Variants in GNG2 observed in about 807,000 individuals in gnomAD.
GNG2 encodes guanine nucleotide-binding protein G(I)/G(S)/G(O) subunit gamma-2.
A neutral mutation model predicts 5.5 loss-of-function variants in GNG2; 5 were observed. The ratio of observed to expected loss-of-function variants is 0.91; its 90% confidence interval spans 0.48 to 1.92. GNG2 has a LOEUF of 1.92. Ranked by LOEUF, GNG2 falls within the 30% of genes most tolerant of loss-of-function variation. The pLI is 0.01. For missense variants in GNG2, 55 were observed against 88.4 expected (o/e 0.62, Z 1.52); for synonymous variants, 28 against 32.0 (o/e 0.88, Z 0.42).
chr14:51,937,081 G>C (rs898131993), intron 2 of GNG2, among the ~76,000 whole-genome samples: 2 of 152,100 alleles, frequency 1.3e-5, no homozygotes, highest in African/African-American at 4.8e-5. Flanking sequence ...AGGAAAGGTT[G>C]CTTGTCCCTT....
intron 3 of GNG2, 140 bp from the exon 4 acceptor site, chr14:51,966,418 TG>T: frequency 2.8e-6 from 2 of 713,394 alleles, no homozygotes; most frequent in Non-Finnish European, 4.9e-6. Context: ...TCTTTGCAGA[TG>T]AGGAAGCAGA....
intron 2 of GNG2, among the ~76,000 whole-genome samples, chr14:51,941,922 G>A (rs975374366): frequency 6.6e-6 from 1 of 152,172 alleles, no homozygotes; most frequent in African/African-American, 2.4e-5. Context: ...TGGAATTCAG[G>A]TGGGATAATT....
At chr14:51,930,338 A>G (rs1292893742) in intron 2 of GNG2, among the ~76,000 whole-genome samples, 1 of 152,232 alleles carries the variant, frequency 6.6e-6, no homozygotes. Flanking sequence ...TCAAAGCAAA[A>G]TGATTTCAGA....
At chr14:51,871,824 G>A (rs1883315303) in intron 1 of GNG2, among the ~76,000 whole-genome samples, 1 of 152,218 alleles carries the variant, frequency 6.6e-6, no homozygotes, top group African/African-American at 2.4e-5. Context: ...ACTTCATGAA[G>A]TAATAGTCTG....
At chr14:51,866,380 A>C (rs1217331517) in intron 1 of GNG2, among the ~76,000 whole-genome samples, 2 of 152,156 alleles carry the variant, frequency 1.3e-5, no homozygotes, top group African/African-American at 4.8e-5. Flanking sequence ...AAACCATTCA[A>C]CCAAGTCCCT....
chr14:51,898,095 T>C (rs1885320246), intron 2 of GNG2, among the ~76,000 whole-genome samples: 1 of 152,212 alleles, frequency 6.6e-6, no homozygotes. Context: ...CTGTGTCCTG[T>C]GGTTACATAT....
chr14:51,826,176 T>A (rs1264896519), upstream of GNG2: 2 of 152,100 alleles, frequency 1.3e-5, no homozygotes, highest in African/African-American at 4.8e-5. Flanking sequence ...TAGAGTCTAG[T>A]GAGGCTGAGG....
intron 2 of GNG2, among the ~76,000 whole-genome samples, chr14:51,847,843 G>T (rs551226997): frequency 2.4e-4 from 35 of 147,528 alleles, no homozygotes; most frequent in African/African-American, 8.2e-4. Flanking sequence ...AATAGGCCAG[G>T]ACATAGGGAT....
chr14:51,886,232 A>T (rs1959517), intron 2 of GNG2, among the ~76,000 whole-genome samples: 51,532 of 152,090 alleles, frequency 0.34, 9,560 homozygotes, highest in Non-Finnish European at 0.42. Flanking sequence ...TCACATTTTA[A>T]AATCTGTGTA....
At chr14:51,832,945 A>G (rs551170480) in intron 2 of GNG2, among the ~76,000 whole-genome samples, 5 of 152,336 alleles carry the variant, frequency 3.3e-5, no homozygotes, top group African/African-American at 1.2e-4. Flanking sequence ...CTGAATTCAG[A>G]TGACTCTTAG....
chr14:51,830,730 T>C (rs1039211469), intron 2 of GNG2, among the ~76,000 whole-genome samples: 1 of 152,222 alleles, frequency 6.6e-6, no homozygotes, highest in African/African-American at 2.4e-5. Flanking sequence ...GTTTTTGACC[T>C]GAATTACTGA....
intron 2 of GNG2, among the ~76,000 whole-genome samples, chr14:51,895,470 C>T (rs986865262): frequency 2.6e-5 from 4 of 152,096 alleles, no homozygotes; most frequent in African/African-American, 9.7e-5. Flanking sequence ...AGAAAGATGC[C>T]AAGATGTTTA....
chr14:51,853,281 C>T (rs1881998381), intron 2 of GNG2, among the ~76,000 whole-genome samples: 1 of 152,138 alleles, frequency 6.6e-6, no homozygotes, highest in Non-Finnish European at 1.5e-5. Flanking sequence ...AGATGCGAGA[C>T]CTAGCCCTTG....
intron 2 of GNG2, among the ~76,000 whole-genome samples, chr14:51,843,583 A>G (rs1881544708): frequency 3.5e-5 from 1 of 28,830 alleles, no homozygotes; most frequent in African/African-American, 4.3e-5. Flanking sequence ...AAGTTAAAAA[A>G]AAAAAAAACT....
At chr14:51,949,582 G>T (rs901457149) in intron 2 of GNG2, among the ~76,000 whole-genome samples, 2 of 152,092 alleles carry the variant, frequency 1.3e-5, no homozygotes, top group Admixed American at 1.3e-4. Context: ...TGTTGACGAG[G>T]CAGTGTTTAA....
chr14:51,854,567 T>C (rs560621728), intron 2 of GNG2, among the ~76,000 whole-genome samples: 5 of 152,116 alleles, frequency 3.3e-5, no homozygotes, highest in Non-Finnish European at 5.9e-5. Context: ...TGGAGTGCAG[T>C]GGTGCTATCT....
chr14:51,909,993 C>T (rs1366423068), intron 2 of GNG2, among the ~76,000 whole-genome samples: 2 of 152,190 alleles, frequency 1.3e-5, no homozygotes, highest in Non-Finnish European at 2.9e-5. Context: ...TCCATTCATT[C>T]ATGGATTCAT....
At chr14:51,854,885 G>C (rs1298685625) in intron 2 of GNG2, among the ~76,000 whole-genome samples, 1 of 152,076 alleles carries the variant, frequency 6.6e-6, no homozygotes, top group Non-Finnish European at 1.5e-5. Context: ...CTCCCTGCCT[G>C]TGTCCCTCTG....
chr14:51,964,451 G>A (rs1198486721), intron 3 of GNG2, among the ~76,000 whole-genome samples: 9 of 152,166 alleles, frequency 5.9e-5, no homozygotes, highest in Non-Finnish European at 1.3e-4. Context: ...AGTAACAGAA[G>A]GTGCCCTACC....
Sources: allele counts gnomAD v4.1 joint callset (sites outside exome capture counted in the v4.1 genomes callset), GRCh38; gene constraint gnomAD v4.1.1; transcripts MANE v1.5; gene names NCBI Gene and HGNC (gene_info 2026-07-23, HGNC 2026-07-21).